The following FRMD4A variants were observed in gnomAD, a reference collection of about 807,000 sequenced individuals.
FRMD4A encodes FERM domain containing 4A.
A neutral mutation model predicts 129.1 loss-of-function variants in FRMD4A; 29 were observed. The ratio of observed to expected loss-of-function variants is 0.22; its 90% confidence interval spans 0.17 to 0.31. The LOEUF is 0.31. FRMD4A is among the 10% of genes least tolerant of loss of function. The probability of loss-of-function intolerance (pLI) is 1.00; values close to 1 mark genes in which losing one functional copy is unlikely to be tolerated. For missense variants in FRMD4A, 1,272 were observed against 1,375.8 expected, an observed-to-expected ratio of 0.92 and a Z score of 1.19; for synonymous variants, 634 against 571.6, an observed-to-expected ratio of 1.11 and a Z score of -1.56.
At chr10:14,129,482 G>A (rs187975111) in intron 2 of FRMD4A, among the ~76,000 whole-genome samples, 1 of 144,716 alleles carries the variant, frequency 6.9e-6, no homozygotes, top group African/African-American at 2.5e-5. Flanking sequence ...TCACAGAGAG[G>A]GTCAATACCA....
chr10:14,061,587 C>T (rs1421326177), intron 2 of FRMD4A, among the ~76,000 whole-genome samples: 1 of 152,156 alleles, frequency 6.6e-6, no homozygotes, highest in Non-Finnish European at 1.5e-5. Context: ...AATTTCCTCC[C>T]TATCCTGAGA....
chr10:14,281,989 C>T (rs190624960), intron 2 of FRMD4A, among the ~76,000 whole-genome samples: 11 of 152,244 alleles, frequency 7.2e-5, no homozygotes, highest in East Asian at 5.8e-4. Flanking sequence ...CACAGTTACA[C>T]GTGGCGGGGG....
intron 12 of FRMD4A, among the ~76,000 whole-genome samples, chr10:13,714,321 C>T (rs2088552779): frequency 1.3e-5 from 2 of 151,298 alleles, no homozygotes; most frequent in African/African-American, 4.9e-5. Flanking sequence ...CCTTGGCTTC[C>T]TAAAGTGCTA....
At chr10:13,838,298 T>C (rs2093908796) in intron 3 of FRMD4A, among the ~76,000 whole-genome samples, 3 of 151,064 alleles carry the variant, frequency 2.0e-5, no homozygotes, top group Admixed American at 2.0e-4. Flanking sequence ...CTCCCTGTGT[T>C]GCCCAGGCTG....
intron 2 of FRMD4A, among the ~76,000 whole-genome samples, chr10:14,082,245 TA>T (rs144868847): frequency 1.4e-4 from 21 of 149,406 alleles, no homozygotes; most frequent in East Asian, 7.8e-4. Context: ...AGACTCCAGA[TA>T]AAAAAAAAAT....
At chr10:13,694,767 AG>A (rs1453233838) in intron 14 of FRMD4A, among the ~76,000 whole-genome samples, 1 of 152,106 alleles carries the variant, frequency 6.6e-6, no homozygotes, top group Non-Finnish European at 1.5e-5. Flanking sequence ...GCTTGAGCCC[AG>A]GAGTTGGAGG....
chr10:13,925,056 T>C (rs1226030152), intron 2 of FRMD4A, among the ~76,000 whole-genome samples: 2 of 105,070 alleles, frequency 1.9e-5, no homozygotes, highest in Non-Finnish European at 3.7e-5. Context: ...AGTGCGAGAC[T>C]CCGTGTAAAA....
chr10:14,046,377 C>T (rs1833991737), intron 2 of FRMD4A, among the ~76,000 whole-genome samples: 1 of 152,006 alleles, frequency 6.6e-6, no homozygotes, highest in Admixed American at 6.6e-5. Context: ...ATAAAAGGAG[C>T]CACTATTTTC....
chr10:14,137,384 T>A (rs1233544778), intron 2 of FRMD4A, among the ~76,000 whole-genome samples: 1 of 152,136 alleles, frequency 6.6e-6, no homozygotes, highest in African/African-American at 2.4e-5. Flanking sequence ...AAGCTAAGAG[T>A]GATAAAAATG....
intron 2 of FRMD4A, among the ~76,000 whole-genome samples, chr10:13,950,387 G>C (rs147507286): frequency 6.6e-6 from 1 of 152,318 alleles, no homozygotes; most frequent in African/African-American, 2.4e-5. Context: ...CTCCTCCACT[G>C]AAATTCAACT....
chr10:13,933,766 CT>C (rs779899357), intron 2 of FRMD4A, among the ~76,000 whole-genome samples: 1 of 152,120 alleles, frequency 6.6e-6, no homozygotes, highest in Non-Finnish European at 1.5e-5. Context: ...ATCTCTGCCC[CT>C]AGAGGCCCCT....
At position 14,197,420 on chromosome 10, in the gene FRMD4A, G is replaced by A. The variant is rs904233821; in HGVS notation, c.45+132638C>T. On this transcript the variant is annotated intron_variant, in intron 2 of 24. Coordinates refer to ENST00000357447, the MANE Select transcript of FRMD4A (RefSeq NM_018027.5). ...TACTTTTTGAGATGGAGTCTAGCTC[G>A]TGGTGCAATCTCAGCTCACTGCAGC... Among the ~76,000 whole-genome samples the A allele has an allele frequency of 6.6e-5, 10 of 152,232 alleles. 1 individual carries two copies. The highest frequency in any genetic ancestry group is 1.9e-4 in the East Asian group (1 of 5,188).
At chr10:14,162,127 T>C (rs1220564140) in intron 2 of FRMD4A, among the ~76,000 whole-genome samples, 1 of 152,096 alleles carries the variant, frequency 6.6e-6, no homozygotes, top group African/African-American at 2.4e-5. Context: ...ATATTTTTTG[T>C]ATAAAACCTT....
At chr10:14,007,928 G>A in intron 2 of FRMD4A, 1 of 1,062,278 alleles carries the variant, frequency 9.4e-7, no homozygotes, top group Non-Finnish European at 1.2e-6. Flanking sequence ...AGATGAGATA[G>A]TATTCTACAG....
intron 2 of FRMD4A, among the ~76,000 whole-genome samples, chr10:14,031,593 A>G (rs1208493024): frequency 1.3e-5 from 2 of 152,186 alleles, no homozygotes; most frequent in African/African-American, 4.8e-5. Context: ...TCCCATCTGT[A>G]ACAGACACAC....
intron 2 of FRMD4A, among the ~76,000 whole-genome samples, chr10:14,137,197 G>A (rs951609264): frequency 1.3e-5 from 2 of 152,200 alleles, no homozygotes; most frequent in African/African-American, 2.4e-5. Flanking sequence ...ACTGGAAAGG[G>A]ATGCATATAA....
intron 2 of FRMD4A, among the ~76,000 whole-genome samples, chr10:14,039,426 CTAT>C: frequency 6.6e-6 from 1 of 151,636 alleles, no homozygotes; most frequent in African/African-American, 2.4e-5. Context: ...ATCTATCTAT[CTAT>C]CTATATTGGA....
At chr10:13,698,738 A>G (rs2086480905) in intron 14 of FRMD4A, among the ~76,000 whole-genome samples, 1 of 152,236 alleles carries the variant, frequency 6.6e-6, no homozygotes, top group East Asian at 1.9e-4. Context: ...CAAAACACCA[A>G]GGATGAAAGA....
At chr10:13,681,017 A>G (rs1466328657) in intron 15 of FRMD4A, among the ~76,000 whole-genome samples, 1 of 152,268 alleles carries the variant, frequency 6.6e-6, no homozygotes, top group Non-Finnish European at 1.5e-5. Context: ...GGTTCCATCT[A>G]TAAAATTACC....
Sources: allele counts gnomAD v4.1 joint callset (sites outside exome capture counted in the v4.1 genomes callset), GRCh38; gene constraint gnomAD v4.1.1; transcripts MANE v1.5; gene names NCBI Gene and HGNC (gene_info 2026-07-23, HGNC 2026-07-21).